Variants in ZNF609 observed in about 807,000 individuals in gnomAD.
ZNF609 encodes zinc finger protein 609.
ZNF609 carries 11 observed loss-of-function variants against 109.5 expected under a neutral mutation model. The observed-to-expected ratio is 0.10, with a 90% CI of 0.06 to 0.17. The LOEUF is 0.17. ZNF609 is among the 10% of genes least tolerant of loss of function. The pLI is 1.00. For synonymous variants in ZNF609, 646 were observed against 662.0 expected (o/e 0.98, Z 0.37); for missense variants, 1,559 against 1,772.4 (o/e 0.88, Z 2.16).
At chr15:64,481,409 C>T (rs1398411859) in intron 1 of ZNF609, among the ~76,000 whole-genome samples, 2 of 150,844 alleles carry the variant, frequency 1.3e-5, no homozygotes, top group Non-Finnish European at 2.9e-5. Flanking sequence ...CAACCTCTGC[C>T]TCCCAGGTTC....
intron 3 of ZNF609, among the ~76,000 whole-genome samples, chr15:64,649,327 C>G (rs1379733128): frequency 1.3e-5 from 2 of 152,022 alleles, no homozygotes; most frequent in Admixed American, 6.6e-5. Flanking sequence ...TTTCCACCCC[C>G]CAACACACAC....
chr15:64,616,193 C>T (rs1463414092), intron 2 of ZNF609, among the ~76,000 whole-genome samples: 1 of 151,948 alleles, frequency 6.6e-6, no homozygotes, highest in African/African-American at 2.4e-5. Context: ...AGACTTTTGC[C>T]ATGTTGCCCA....
At chr15:64,592,888 G>A in intron 2 of ZNF609, 1 of 670,516 alleles carries the variant, frequency 1.5e-6, no homozygotes, top group East Asian at 2.8e-5. Context: ...ACCCCAGCCT[G>A]GGCAACAGAG....
At chr15:64,647,069 G>A (rs959157991) in intron 3 of ZNF609, among the ~76,000 whole-genome samples, 3 of 151,814 alleles carry the variant, frequency 2.0e-5, no homozygotes, top group Non-Finnish European at 4.4e-5. Context: ...GCTGAGGCAG[G>A]TGGATTGCTT....
At chr15:64,466,778 C>G (rs1271315494) in intron 1 of ZNF609, among the ~76,000 whole-genome samples, 2 of 152,174 alleles carry the variant, frequency 1.3e-5, no homozygotes, top group Admixed American at 1.3e-4. Flanking sequence ...CTAGCACTCT[C>G]AGTAGTTTGC....
At chr15:64,679,720 C>A (rs183489224) in intron 6 of ZNF609, among the ~76,000 whole-genome samples, 33 of 152,304 alleles carry the variant, frequency 2.2e-4, no homozygotes, top group Admixed American at 1.9e-3. Context: ...TAGACATTAT[C>A]TTTTTTAATC....
At chr15:64,644,418 T>C (rs1235467359) in intron 3 of ZNF609, among the ~76,000 whole-genome samples, 1 of 152,020 alleles carries the variant, frequency 6.6e-6, no homozygotes, top group African/African-American at 2.4e-5. Flanking sequence ...AGCCAAGGAG[T>C]GTGAGGTTAC....
intron 2 of ZNF609, among the ~76,000 whole-genome samples, chr15:64,546,026 G>C (rs557164688): frequency 6.6e-6 from 1 of 152,142 alleles, no homozygotes; most frequent in Non-Finnish European, 1.5e-5. Context: ...ACATACACAT[G>C]AAATTACTGG....
chr15:64,602,609 C>G (rs1895517779), intron 2 of ZNF609, among the ~76,000 whole-genome samples: 1 of 151,782 alleles, frequency 6.6e-6, no homozygotes, highest in Admixed American at 6.6e-5. Flanking sequence ...CTTGGGTTCT[C>G]TCAGATTGCC....
chr15:64,577,139 AAT>A (rs1894991291), intron 2 of ZNF609, among the ~76,000 whole-genome samples: 1 of 28,242 alleles, frequency 3.5e-5, no homozygotes, highest in African/African-American at 6.3e-5. Flanking sequence ...TATACACACA[AAT>A]ATATACATAT....
chr15:64,657,880 T>C (rs1207044153), intron 3 of ZNF609, among the ~76,000 whole-genome samples: 1 of 152,170 alleles, frequency 6.6e-6, no homozygotes, highest in East Asian at 1.9e-4. Context: ...CTTTTTTTTT[T>C]AGCCCTTGAT....
chr15:64,532,700 G>C (rs771700228), intron 2 of ZNF609, among the ~76,000 whole-genome samples: 1 of 152,190 alleles, frequency 6.6e-6, no homozygotes, highest in Non-Finnish European at 1.5e-5. Context: ...GCTTCACAGC[G>C]AGATGACTGT....
At chr15:64,501,331 G>C (rs1383459304) in intron 2 of ZNF609, 2 of 152,302 alleles carry the variant, frequency 1.3e-5, no homozygotes, top group Admixed American at 6.5e-5. Context: ...TTTCTTTGCT[G>C]TCGGTATTTT....
chr15:64,474,386 T>C (rs1316466213), intron 1 of ZNF609, among the ~76,000 whole-genome samples: 2 of 151,720 alleles, frequency 1.3e-5, no homozygotes, highest in East Asian at 3.9e-4. Flanking sequence ...GCTAATTTTG[T>C]ATTTTTAGTA....
chr15:64,470,798 G>C (rs1893081197), intron 1 of ZNF609, among the ~76,000 whole-genome samples: 2 of 152,166 alleles, frequency 1.3e-5, no homozygotes, highest in Admixed American at 1.3e-4. Context: ...GGGATTACAG[G>C]CGTGAGCCAC....
intron 1 of ZNF609, among the ~76,000 whole-genome samples, chr15:64,497,112 G>C (rs1176368846): frequency 1.3e-5 from 2 of 152,154 alleles, no homozygotes; most frequent in African/African-American, 4.8e-5. Context: ...ACCATGCCTG[G>C]CCTAGAGTTA....
intron 2 of ZNF609, among the ~76,000 whole-genome samples, chr15:64,603,382 T>C (rs1015134277): frequency 1.3e-5 from 2 of 151,796 alleles, no homozygotes; most frequent in Admixed American, 1.3e-4. Flanking sequence ...GCAATTCTTC[T>C]GCCTCAGCCC....
At chr15:64,641,431 C>T (rs1431080173) in intron 3 of ZNF609, among the ~76,000 whole-genome samples, 1 of 151,660 alleles carries the variant, frequency 6.6e-6, no homozygotes, top group Admixed American at 6.6e-5. Flanking sequence ...TGAGGCTGGT[C>T]TTGAACTCCT....
chr15:64,608,834 G>A (rs772515302), intron 2 of ZNF609, among the ~76,000 whole-genome samples: 45 of 152,024 alleles, frequency 3.0e-4, no homozygotes, highest in South Asian at 2.3e-3. Flanking sequence ...AACCTCCTGG[G>A]CCCAAGCGAT....
Sources: allele counts gnomAD v4.1 joint callset (sites outside exome capture counted in the v4.1 genomes callset), GRCh38; gene constraint gnomAD v4.1.1; transcripts MANE v1.5; gene names NCBI Gene and HGNC (gene_info 2026-07-23, HGNC 2026-07-21).